Variants in THOC5 observed in about 807,000 individuals in gnomAD.
THOC5 encodes the protein Fms-interacting protein.
THOC5 carries 43 observed loss-of-function variants against 92.9 expected under a neutral mutation model. That is an observed-to-expected ratio of 0.46 (90% CI 0.36 to 0.60). The LOEUF (loss-of-function observed/expected upper bound fraction) is 0.60, where lower values mean the gene tolerates loss of function less well. Ranked by LOEUF, THOC5 falls within the 20% of genes least tolerant of loss-of-function variation. The pLI, the probability that THOC5 is intolerant of heterozygous loss-of-function variation, is 0.00. For missense variants in THOC5, 659 were observed against 849.4 expected, an observed-to-expected ratio of 0.78 and a Z score of 2.79; for synonymous variants, 296 against 320.1, an observed-to-expected ratio of 0.92 and a Z score of 0.80.
At chr22:29,532,894 C>T (rs2063684581) in intron 7 of THOC5, among the ~76,000 whole-genome samples, 1 of 152,232 alleles carries the variant, frequency 6.6e-6, no homozygotes, top group East Asian at 1.9e-4. Context: ...AGAAGAATTA[C>T]TTGAACCTGG....
chr22:29,543,687 A>C, intron 3 of THOC5, 145 bp from the exon 4 acceptor site: 1 of 549,494 alleles, frequency 1.8e-6, no homozygotes, highest in Non-Finnish European at 3.2e-6. Flanking sequence ...TGAAGAAAAT[A>C]AGAGGATGAT....
chr22:29,551,072 CA>C (rs2064132269), intron 1 of THOC5, among the ~76,000 whole-genome samples: 1 of 152,154 alleles, frequency 6.6e-6, no homozygotes, highest in Non-Finnish European at 1.5e-5. Context: ...CTACATAAAA[CA>C]AGTGAAAGCA....
chr22:29,544,999 T>G, intron 2 of THOC5: 1 of 376,528 alleles, frequency 2.7e-6, no homozygotes. Flanking sequence ...TTAGTCCATT[T>G]TCACGCTGCC....
intron 7 of THOC5, chr22:29,536,096 G>A (rs1390869809): frequency 6.6e-6 from 1 of 152,310 alleles, no homozygotes; most frequent in African/African-American, 2.4e-5. Flanking sequence ...TAGCCATCTT[G>A]CTTCATAAAA....
chr22:29,507,848 C>G lies in THOC5; in HGVS notation c.*609G>C, dbSNP rs77036794. On this transcript the variant is annotated 3_prime_UTR_variant, in exon 20 of 20. Transcript: ENST00000490103. ...TTTTTAGGGAGTCAAAAGTTATACA[C>G]GGATTTTTCAACTGTGCAGGGCAGG... is the stretch of plus-strand genomic sequence containing the variant. 2 of 152,868 alleles carry G rather than the reference C, an allele frequency of 1.3e-5. No individual in the cohort carries two copies. The highest frequency in any genetic ancestry group is 2.9e-5 in the Non-Finnish European group (2 of 68,552). 9.5% of individuals were successfully genotyped at this position (152,868 alleles called of 1,614,324 possible). A position where few individuals can be genotyped will look rare whatever the true frequency, so the allele number is the denominator to read the frequency against.
chr22:29,552,564 C>T (rs1169907786), intron 1 of THOC5, among the ~76,000 whole-genome samples: 1 of 149,230 alleles, frequency 6.7e-6, no homozygotes, highest in South Asian at 2.1e-4. Context: ...CCGCCCCGTC[C>T]GGGGGGGAGG....
intron 11 of THOC5, 122 bp downstream of exon 11, chr22:29,527,956 C>A (rs2063575475): frequency 1.2e-6 from 1 of 829,070 alleles, no homozygotes; most frequent in Non-Finnish European, 1.9e-6. Context: ...AAAAACAAAG[C>A]AATATGAAAT....
Sources: gnomAD v4.1 joint callset for allele counts (sites outside exome capture counted in the v4.1 genomes callset) on GRCh38, gnomAD v4.1.1 for gene constraint, MANE v1.5 for transcripts, NCBI Gene and HGNC (gene_info 2026-07-23, HGNC 2026-07-21) for gene names.